The following GALM variants were observed in gnomAD, a reference collection of about 807,000 sequenced individuals.
GALM encodes the protein aldose 1-epimerase.
A neutral mutation model predicts 37.4 loss-of-function variants in GALM; 43 were observed. The observed-to-expected ratio is 1.15, with a 90% CI of 0.90 to 1.48. The LOEUF (loss-of-function observed/expected upper bound fraction) is 1.48, where lower values mean the gene tolerates loss of function less well. GALM is among the 40% of genes most tolerant of loss of function. The probability of loss-of-function intolerance (pLI) is 0.00; values close to 1 mark genes in which losing one functional copy is unlikely to be tolerated. For synonymous variants in GALM, 199 were observed against 170.6 expected, an observed-to-expected ratio of 1.17 and a Z score of -1.30; for missense variants, 456 against 419.1, an observed-to-expected ratio of 1.09 and a Z score of -0.77.
chr2:38,697,020 C>T (rs910183894), intron 4 of GALM, among the ~76,000 whole-genome samples: 2 of 152,112 alleles, frequency 1.3e-5, no homozygotes, highest in Non-Finnish European at 2.9e-5. Context: ...GAACTCCTGA[C>T]CTCAAGTGAT....
intron 1 of GALM, 65 bp downstream of exon 1, chr2:38,666,416 T>A: frequency 7.9e-7 from 1 of 1,271,598 alleles, no homozygotes; most frequent in Non-Finnish European, 1.1e-6. Flanking sequence ...CTCCCGGATC[T>A]AGCGGGCCAC....
At chr2:38,720,390 A>C (rs1666352281) in intron 4 of GALM, among the ~76,000 whole-genome samples, 1 of 146,156 alleles carries the variant, frequency 6.8e-6, no homozygotes, top group Non-Finnish European at 1.5e-5. Context: ...CTTAAGGTAT[A>C]ATCACGTGAA....
intron 4 of GALM, among the ~76,000 whole-genome samples, chr2:38,694,648 G>A (rs1339932154): frequency 6.6e-6 from 1 of 152,168 alleles, no homozygotes; most frequent in African/African-American, 2.4e-5. Context: ...TGTAATCCCA[G>A]CACTCTGGGA....
chr2:38,688,708 T>C (rs1421275348), intron 3 of GALM, among the ~76,000 whole-genome samples: 4 of 152,252 alleles, frequency 2.6e-5, no homozygotes, highest in Non-Finnish European at 4.4e-5. Context: ...ACTAGAAACA[T>C]GCATGTATAA....
intron 6 of GALM, among the ~76,000 whole-genome samples, chr2:38,732,919 TAAA>T (rs11424376): frequency 7.2e-5 from 7 of 97,894 alleles, no homozygotes; most frequent in Non-Finnish European, 1.1e-4. Context: ...ACCCTGTCTT[TAAA>T]AAAAAAAAAA....
In GALM at chr2:38,708,651, C is replaced by G. The variant is rs1486896594; in HGVS notation, c.634+18757C>G. Among the ~76,000 whole-genome samples the G allele has an allele frequency of 4.0e-5, 6 of 151,218 alleles. No individual in the cohort carries two copies. In the East Asian group the frequency reaches 1.2e-3, roughly 29 times the overall value. On this transcript the variant is annotated intron_variant, in intron 4 of 6. Transcript: ENST00000272252. ...AGCTACTCAGGAAGAATGGCATGAACCCGGGTAGGCGGAGCTGGCAGTGAG... is the reference window on the plus strand; with the variant it reads ...AGCTACTCAGGAAGAATGGCATGAAGCCGGGTAGGCGGAGCTGGCAGTGAG...
intron 4 of GALM, among the ~76,000 whole-genome samples, chr2:38,713,306 T>G (rs1167161429): frequency 6.6e-6 from 1 of 152,134 alleles, no homozygotes; most frequent in Non-Finnish European, 1.5e-5. Context: ...GGGTTGTCTC[T>G]CTCATACTAG....
At chr2:38,676,389 T>C (rs987351857) in intron 2 of GALM, among the ~76,000 whole-genome samples, 28 of 152,178 alleles carry the variant, frequency 1.8e-4, no homozygotes, top group African/African-American at 6.3e-4. Flanking sequence ...CTTCCACTTA[T>C]TGGACAAGAC....
chr2:38,685,363 C>T (rs1665494731), intron 3 of GALM, among the ~76,000 whole-genome samples: 1 of 152,184 alleles, frequency 6.6e-6, no homozygotes, highest in Non-Finnish European at 1.5e-5. Context: ...AAAGAGTTGC[C>T]ATGGCTTGTG....
intron 2 of GALM, among the ~76,000 whole-genome samples, chr2:38,680,921 A>G (rs1665377879): frequency 6.6e-6 from 1 of 152,126 alleles, no homozygotes; most frequent in Non-Finnish European, 1.5e-5. Context: ...GGATCACTTG[A>G]GGTCAGGAGT....
chr2:38,731,606 A>G, intron 5 of GALM, 129 bp from the exon 6 acceptor site: 2 of 704,344 alleles, frequency 2.8e-6, no homozygotes, highest in South Asian at 3.5e-5. Flanking sequence ...TCCTACCTTC[A>G]TCTCCTCCTT....
intron 4 of GALM, among the ~76,000 whole-genome samples, chr2:38,707,968 G>A (rs13029968): frequency 0.084 from 12,724 of 152,020 alleles, 780 homozygotes; most frequent in East Asian, 0.31. Flanking sequence ...TTAGCGAGGC[G>A]TGGTAGCACA....
At chr2:38,703,052 TTTTATATATATATATATA>T (rs1558588590) in intron 4 of GALM, among the ~76,000 whole-genome samples, 1 of 31,664 alleles carries the variant, frequency 3.2e-5, no homozygotes, top group African/African-American at 1.1e-4. Flanking sequence ...ATATGTGGGA[TTTTATATATATATATATA>T]TATATATATA....
At chr2:38,710,042 T>C (rs945567407) in intron 4 of GALM, among the ~76,000 whole-genome samples, 3 of 152,196 alleles carry the variant, frequency 2.0e-5, no homozygotes, top group Admixed American at 2.0e-4. Flanking sequence ...GCTGCCCCAG[T>C]GTCCCTCCCA....
At chr2:38,675,100 G>A (rs1305150736) in intron 1 of GALM, among the ~76,000 whole-genome samples, 1 of 152,074 alleles carries the variant, frequency 6.6e-6, no homozygotes, top group Non-Finnish European at 1.5e-5. Context: ...ACTTGAACCT[G>A]GGGGATGGAG....
In GALM at chr2:38,732,234, T is replaced by G. The variant is rs550122456; in HGVS notation, c.951+325T>G. Among the ~76,000 whole-genome samples the G allele has an allele frequency of 2.6e-5, 4 of 152,292 alleles. No individual in the cohort carries two copies. In the East Asian group the frequency reaches 7.7e-4, roughly 29 times the overall value. ...ACCATGCCTGCTTAATTTTTGTATT[T>G]TTAGTAGAGACAGGGTTCCACCATG... On this transcript the variant is annotated intron_variant, in intron 6 of 6. Transcript: ENST00000272252.
At chr2:38,701,527 C>A (rs1665917182) in intron 4 of GALM, among the ~76,000 whole-genome samples, 1 of 152,156 alleles carries the variant, frequency 6.6e-6, no homozygotes, top group African/African-American at 2.4e-5. Flanking sequence ...TGTTCACTTG[C>A]TGTTCTTGCT....
chr2:38,677,147 G>T (rs1390058973), intron 2 of GALM, among the ~76,000 whole-genome samples: 1 of 152,236 alleles, frequency 6.6e-6, no homozygotes, highest in Non-Finnish European at 1.5e-5. Context: ...AGCCCCATGG[G>T]AGTCTATGGG....
intron 4 of GALM, among the ~76,000 whole-genome samples, chr2:38,708,704 G>C (rs1025849408): frequency 6.7e-6 from 1 of 150,034 alleles, no homozygotes; most frequent in Non-Finnish European, 1.5e-5. Flanking sequence ...ACTCCAGCCT[G>C]GGTGATAGAG....
Sources: gnomAD v4.1 joint callset for allele counts (sites outside exome capture counted in the v4.1 genomes callset) on GRCh38, gnomAD v4.1.1 for gene constraint, MANE v1.5 for transcripts, NCBI Gene and HGNC (gene_info 2026-07-23, HGNC 2026-07-21) for gene names.